PEAK1: variants seen among roughly 807,000 people sequenced by gnomAD.
PEAK1 encodes inactive tyrosine-protein kinase PEAK1.
PEAK1 carries 54 observed loss-of-function variants against 124.7 expected under a neutral mutation model. The ratio of observed to expected loss-of-function variants is 0.43; its 90% confidence interval spans 0.35 to 0.54. The LOEUF (loss-of-function observed/expected upper bound fraction) is 0.54, where lower values mean the gene tolerates loss of function less well. Among genes scored for constraint, PEAK1 ranks in the 20% least tolerant of loss-of-function variants. PEAK1 has a pLI of 0.01. For synonymous variants in PEAK1, 719 were observed against 760.0 expected (o/e 0.95, Z 0.89); for missense variants, 2,046 against 2,134.5 (o/e 0.96, Z 0.82).
rs925183500 is a variant in PEAK1, at chr15:77,159,878, G to A, written c.3138-1182C>T. The stretch of plus-strand genomic sequence containing the variant: ...TGCATGTGCCTGGACAGAAAAATAA[G>A]CCTTGATGTCTGCTGGATATACAAC... On this transcript the variant is annotated intron_variant, in intron 7 of 9. Transcript: ENST00000682557. 1.7e-4 allele frequency among the ~76,000 whole-genome samples: 26 copies of A among 152,178 alleles called. 1 individual carries two copies. The highest frequency in any genetic ancestry group is 5.8e-4 in the African/African-American group (24 of 41,442).
chr15:77,337,729 A>C (rs1024714924), intron 2 of PEAK1: 9 of 985,262 alleles, frequency 9.1e-6, no homozygotes, highest in African/African-American at 3.5e-5. Flanking sequence ...CACAGTTATG[A>C]ACATAGTGTC....
intron 5 of PEAK1, among the ~76,000 whole-genome samples, chr15:77,283,346 T>C (rs974596762): frequency 1.3e-5 from 2 of 152,160 alleles, no homozygotes; most frequent in African/African-American, 2.4e-5. Flanking sequence ...CTTTTTAATA[T>C]AGAACAACTG....
chr15:77,284,891 A>AACACACACACACAC (rs72078461), intron 4 of PEAK1, 67 bp downstream of exon 4: 3 of 139,862 alleles, frequency 2.1e-5, no homozygotes, highest in African/African-American at 8.1e-5. Context: ...TCTCTACTAA[A>AACACACACACACAC]ACACACACAC....
chr15:77,403,330 G>C (rs2071533825), intron 1 of PEAK1: 1 of 940,502 alleles, frequency 1.1e-6, no homozygotes. Flanking sequence ...TTTAAAATAA[G>C]ATAGTAACAT....
At chr15:77,321,241 T>A (rs1479261660) in intron 2 of PEAK1, among the ~76,000 whole-genome samples, 1 of 152,246 alleles carries the variant, frequency 6.6e-6, no homozygotes, top group Non-Finnish European at 1.5e-5. Context: ...CCATACTGAC[T>A]TCCACAATGG....
chr15:77,259,605 A>C (rs2061336799), intron 5 of PEAK1, among the ~76,000 whole-genome samples: 1 of 152,188 alleles, frequency 6.6e-6, no homozygotes, highest in Admixed American at 6.6e-5. Flanking sequence ...ATTCTACAAT[A>C]ATTCAACTTC....
At chr15:77,219,254 G>A (rs1302312038) in intron 6 of PEAK1, among the ~76,000 whole-genome samples, 1 of 151,984 alleles carries the variant, frequency 6.6e-6, no homozygotes, top group Non-Finnish European at 1.5e-5. Context: ...AGAATAGAAA[G>A]GAAGGATTGG....
intron 6 of PEAK1, among the ~76,000 whole-genome samples, chr15:77,244,260 C>A (rs926810564): frequency 6.6e-6 from 1 of 152,322 alleles, no homozygotes; most frequent in Non-Finnish European, 1.5e-5. Flanking sequence ...GGTTGTTTCA[C>A]TTTATCTATT....
At chr15:77,269,373 A>G (rs2061909222) in intron 5 of PEAK1, among the ~76,000 whole-genome samples, 2 of 152,200 alleles carry the variant, frequency 1.3e-5, no homozygotes, top group South Asian at 4.1e-4. Flanking sequence ...AGCTATTCTT[A>G]TATCAGACAA....
At chr15:77,393,153 G>A (rs554443906) in intron 1 of PEAK1, among the ~76,000 whole-genome samples, 2 of 152,312 alleles carry the variant, frequency 1.3e-5, no homozygotes, top group South Asian at 2.1e-4. Context: ...ACCATGGGCT[G>A]AAGTGCTCTG....
chr15:77,371,186 T>C (rs2068615665), intron 1 of PEAK1: 2 of 982,730 alleles, frequency 2.0e-6, no homozygotes, highest in African/African-American at 1.7e-5. Context: ...GGTTACCTTT[T>C]TACTAAGTAA....
intron 6 of PEAK1, among the ~76,000 whole-genome samples, chr15:77,238,666 G>C (rs1216593804): frequency 2.5e-4 from 38 of 152,152 alleles, no homozygotes; most frequent in Admixed American, 2.5e-3. Context: ...AGTAGCATGA[G>C]TCGGGGGAGA....
chr15:77,307,045 T>G (rs2064145236), intron 2 of PEAK1, among the ~76,000 whole-genome samples: 1 of 152,148 alleles, frequency 6.6e-6, no homozygotes, highest in Non-Finnish European at 1.5e-5. Flanking sequence ...TACTTCATAT[T>G]TCCTCAATCA....
chr15:77,329,776 T>A (rs1284413486), intron 2 of PEAK1, among the ~76,000 whole-genome samples: 2 of 152,208 alleles, frequency 1.3e-5, no homozygotes, highest in African/African-American at 4.8e-5. Flanking sequence ...TAAGAAAAAA[T>A]TGTTCCTTAT....
At chr15:77,400,162 C>G (rs1175648283) in intron 1 of PEAK1, among the ~76,000 whole-genome samples, 1 of 152,034 alleles carries the variant, frequency 6.6e-6, no homozygotes, top group Non-Finnish European at 1.5e-5. Context: ...ATAATAACTG[C>G]CGGCAAGAAT....
rs917614903 is a variant in PEAK1, at chr15:77,179,903, G to C, written c.2024C>G (p.Pro675Arg). 2 of 1,614,084 alleles carry C rather than the reference G, an allele frequency of 1.2e-6. No individual in the cohort carries two copies. Among genetic ancestry groups the C allele is most frequent in the African/African-American group, 1.3e-5 (1 of 75,030 alleles). Residue 675 changes from proline to arginine, a missense_variant, in exon 7 of 10, where the codon CCT (proline) becomes CGT (arginine). Pro to Arg is a moderately radical substitution (Grantham distance 103, BLOSUM62 -2). Coordinates refer to ENST00000682557, the MANE Select transcript of PEAK1 (RefSeq NM_001385026.1). ...AGTGGTTTTGCTAGTGGTGTTATCA[G>C]GCACTTTGCTTTCTGTTTCTATTTC... is the stretch of plus-strand genomic sequence containing the variant. ...YEEIETESKVPDNTTSKTTDC... is the reference protein window; with the variant it reads ...YEEIETESKVRDNTTSKTTDC...
chr15:77,215,536 G>A (rs1029391774), intron 6 of PEAK1, among the ~76,000 whole-genome samples: 1 of 152,062 alleles, frequency 6.6e-6, no homozygotes, highest in African/African-American at 2.4e-5. Flanking sequence ...CTAATACAAT[G>A]TAAATAATTG....
At chr15:77,348,135 C>T (rs1430897995) in intron 2 of PEAK1, 6 of 983,924 alleles carry the variant, frequency 6.1e-6, no homozygotes, top group Non-Finnish European at 7.2e-6. Context: ...CAAAAACTTG[C>T]TCTACATGAG....
chr15:77,302,573 G>C (rs917717878), intron 2 of PEAK1, among the ~76,000 whole-genome samples: 1 of 152,110 alleles, frequency 6.6e-6, no homozygotes, highest in African/African-American at 2.4e-5. Flanking sequence ...GTAGAGTACA[G>C]GGCTTATGCA....
Sources: allele counts gnomAD v4.1 joint callset (sites outside exome capture counted in the v4.1 genomes callset), GRCh38; gene constraint gnomAD v4.1.1; transcripts MANE v1.5; gene names NCBI Gene and HGNC (gene_info 2026-07-23, HGNC 2026-07-21).